Variants in CHD9 observed in about 807,000 individuals in gnomAD.
The protein encoded by CHD9 is ATP-dependent chromatin remodeler CHD9.
In CHD9, 77 loss-of-function variants were observed where a neutral mutation model predicts 316.1. The ratio of observed to expected loss-of-function variants is 0.24; its 90% confidence interval spans 0.20 to 0.29. The LOEUF (loss-of-function observed/expected upper bound fraction) is 0.29. Among genes scored for constraint, CHD9 ranks in the 10% least tolerant of loss-of-function variants. The pLI is 1.00. For synonymous variants in CHD9, 1,129 were observed against 1,158.3 expected (o/e 0.97, Z 0.51); for missense variants, 2,763 against 3,438.1 (o/e 0.80, Z 4.91).
At chr16:53,248,600 A>G (rs1191323226) in intron 16 of CHD9, among the ~76,000 whole-genome samples, 1 of 132,504 alleles carries the variant, frequency 7.5e-6, no homozygotes, top group South Asian at 2.3e-4. Context: ...ATCATAGCTC[A>G]TTGCAACCTC....
chr16:53,207,790 T>C (rs1266908306), intron 2 of CHD9, among the ~76,000 whole-genome samples: 1 of 152,184 alleles, frequency 6.6e-6, no homozygotes, highest in Non-Finnish European at 1.5e-5. Flanking sequence ...CAGGTGATTT[T>C]TTTTTTTAAT....
intron 1 of CHD9, among the ~76,000 whole-genome samples, chr16:53,137,877 G>T (rs1044740992): frequency 6.6e-6 from 1 of 152,228 alleles, no homozygotes; most frequent in Admixed American, 6.5e-5. Context: ...GAACTTTAGG[G>T]AATATGATGT....
intron 26 of CHD9, 86 bp from the exon 27 acceptor site, chr16:53,287,871 C>CT: frequency 8.9e-7 from 1 of 1,125,384 alleles, no homozygotes; most frequent in East Asian, 2.4e-5. Context: ...TTAAAACAAA[C>CT]TAAAACCCTC....
chr16:53,258,900 G>A (rs1247706502), intron 19 of CHD9, among the ~76,000 whole-genome samples: 1 of 152,124 alleles, frequency 6.6e-6, no homozygotes, highest in Non-Finnish European at 1.5e-5. Context: ...AATTTACAAA[G>A]GAAAGAAAAC....
rs746543697 is a variant in CHD9 at position 53,307,649 on chromosome 16, A to C, written c.6781-32A>C. ...CTCCAAAGGTCTGATCTAATTATTA[A>C]AATTACACTTTGATGTTGCACGCTT... On this transcript the variant is annotated intron_variant, in intron 32 of 38. Transcript: ENST00000447540. The C allele has an allele frequency of 1.9e-5, 30 of 1,549,720 alleles. 1 individual carries two copies. In the East Asian group the frequency reaches 6.8e-4, roughly 35 times the overall value.
intron 32 of CHD9, among the ~76,000 whole-genome samples, chr16:53,306,665 A>T (rs1380392499): frequency 6.6e-6 from 1 of 152,224 alleles, no homozygotes; most frequent in Non-Finnish European, 1.5e-5. Context: ...TCTTTATGAA[A>T]CAGGTGCTTT....
chr16:53,117,668 G>A (rs1466937976), intron 1 of CHD9, among the ~76,000 whole-genome samples: 2 of 151,900 alleles, frequency 1.3e-5, no homozygotes, highest in East Asian at 3.9e-4. Flanking sequence ...TACCTGCCTT[G>A]GCCTCCCAAG....
intron 1 of CHD9, among the ~76,000 whole-genome samples, chr16:53,078,285 G>T (rs1216517697): frequency 6.6e-6 from 1 of 152,256 alleles, no homozygotes; most frequent in East Asian, 1.9e-4. Context: ...AGGTGATTAG[G>T]TCATAAGAGT....
chr16:53,324,331 G>A lies in CHD9; in HGVS notation c.8130G>A (p.Met2710Ile), dbSNP rs760054456. The A allele has an allele frequency of 2.5e-6, 4 of 1,614,006 alleles. No individual in the cohort carries two copies. Among genetic ancestry groups the A allele is most frequent in the Non-Finnish European group, 2.5e-6 (3 of 1,179,862 alleles). ...SGGEAKNMAA[M>I]FPMLLSGMAG... ...GAGAAGCTAAAAACATGGCTGCTATGTTCCCCATGCTGCTGTCAGGAATGG... is the reference window on the plus strand; with the variant it reads ...GAGAAGCTAAAAACATGGCTGCTATATTCCCCATGCTGCTGTCAGGAATGG... The change falls in exon 39 of 39, where the codon ATG becomes ATA. Residue 2710 changes from methionine (M) to isoleucine (I), a missense_variant. Met to Ile is a conservative substitution (Grantham distance 10). Transcript: ENST00000447540.
chr16:53,160,146 A>G (rs1292328092), intron 2 of CHD9, among the ~76,000 whole-genome samples: 1 of 152,230 alleles, frequency 6.6e-6, no homozygotes, highest in African/African-American at 2.4e-5. Context: ...CTTTGTATGT[A>G]GGTTTCTGAC....
Position 53,303,984 on chromosome 16 carries a change from C to G in CHD9, c.5978C>G (p.Ser1993Ter). Residue 1993 changes from serine (S) to a stop codon, truncating the protein, a stop_gained, in exon 31 of 39, where the codon TCA becomes TGA. Transcript: ENST00000447540. LOFTEE classifies it high-confidence loss of function. ...CACATTCTTCGTGATCCTGAACTCT[C>G]ATTTATGGCAGCTCAGAGGAACTAC... ...DYHILRDPELSFMAAQRNYSQ... is the reference protein window; with the variant it reads ...DYHILRDPEL 1 of 1,614,022 alleles carries G rather than the reference C, an allele frequency of 6.2e-7. No individual in the cohort carries two copies.
At chr16:53,322,093 G>T (rs2057313721) in intron 38 of CHD9, among the ~76,000 whole-genome samples, 1 of 150,842 alleles carries the variant, frequency 6.6e-6, no homozygotes, top group Non-Finnish European at 1.5e-5. Context: ...CGCCTCCTGG[G>T]TTCAAGTGAT....
intron 12 of CHD9, among the ~76,000 whole-genome samples, chr16:53,241,238 T>C (rs59160806): frequency 0.28 from 42,653 of 152,032 alleles, 6,069 homozygotes; most frequent in Middle Eastern, 0.32. Context: ...TTAAACACTC[T>C]CTTCACTTAG....
intron 1 of CHD9, among the ~76,000 whole-genome samples, chr16:53,143,622 C>T (rs533699407): frequency 1.6e-4 from 25 of 152,048 alleles, no homozygotes; most frequent in Non-Finnish European, 2.6e-4. Flanking sequence ...CTCCTGACCT[C>T]GTGATCCGCC....
chr16:53,277,977 A>C (rs2053020470), intron 24 of CHD9, among the ~76,000 whole-genome samples: 1 of 152,100 alleles, frequency 6.6e-6, no homozygotes, highest in Non-Finnish European at 1.5e-5. Flanking sequence ...CCAAGCTGAG[A>C]ATTAAATCAA....
chr16:53,201,764 T>C (rs1397624944), intron 2 of CHD9, among the ~76,000 whole-genome samples: 1 of 152,128 alleles, frequency 6.6e-6, no homozygotes, highest in Non-Finnish European at 1.5e-5. Flanking sequence ...ATTTTTGAAG[T>C]ACATCTTAGT....
chr16:53,130,499 G>C (rs1440715561), intron 1 of CHD9, among the ~76,000 whole-genome samples: 1 of 149,764 alleles, frequency 6.7e-6, no homozygotes, highest in African/African-American at 2.4e-5. Context: ...GCGGCGCGAG[G>C]GGAGAGGCCG....
In CHD9 at chr16:53,245,891, A is replaced by G. The variant is rs764802401; in HGVS notation, c.3454+41A>G. 3.7e-6 allele frequency: 5 copies of G among 1,344,902 alleles called. No individual in the cohort carries two copies. The highest frequency in any genetic ancestry group is 3.9e-6 in the Non-Finnish European group (4 of 1,012,784). 83.3% of individuals were successfully genotyped at this position (1,344,902 alleles called of 1,614,324 possible). On this transcript the variant is annotated intron_variant, in intron 15 of 38. Transcript: ENST00000447540. The surrounding 1 kb of genome is among the most constrained non-coding windows in gnomAD (Gnocchi z 4.1). ...TACAACAAATATGTTTTTTCTTGCA[A>G]CAAATACTAATGAATAAATAAACAG...
At chr16:53,059,631 C>T (rs965814740) in intron 1 of CHD9, among the ~76,000 whole-genome samples, 10 of 152,206 alleles carry the variant, frequency 6.6e-5, no homozygotes, top group Non-Finnish European at 1.3e-4. Context: ...GTCTGGGCAT[C>T]GGCCTCCCCA....
Sources: allele counts gnomAD v4.1 joint callset (sites outside exome capture counted in the v4.1 genomes callset), GRCh38; gene constraint gnomAD v4.1.1; non-coding constraint Gnocchi (gnomAD v3.1); transcripts MANE v1.5; gene names NCBI Gene and HGNC (gene_info 2026-07-23, HGNC 2026-07-21).